TOP2B: variants seen among roughly 807,000 people sequenced by gnomAD.
TOP2B encodes the protein DNA topoisomerase 2-beta.
Under a neutral mutation model 193.5 loss-of-function variants are expected in TOP2B, and 51 were observed. The observed-to-expected ratio is 0.26, with a 90% CI of 0.21 to 0.33. TOP2B has a LOEUF of 0.33. Among genes scored for constraint, TOP2B ranks in the 10% least tolerant of loss-of-function variants. TOP2B has a pLI of 1.00. For missense variants in TOP2B, 1,378 were observed against 1,909.3 expected, an observed-to-expected ratio of 0.72 and a Z score of 5.19; for synonymous variants, 634 against 635.7, an observed-to-expected ratio of 1.00 and a Z score of 0.04.
chr3:25,642,426 T>C (rs1030915496), intron 3 of TOP2B, 41 bp from the exon 4 acceptor site: 52 of 1,273,338 alleles, frequency 4.1e-5, no homozygotes, highest in Non-Finnish European at 5.6e-5. Flanking sequence ...TACAAAATTA[T>C]ATAAATAAAT....
intron 1 of TOP2B, among the ~76,000 whole-genome samples, chr3:25,661,380 C>T (rs1332383601): frequency 6.6e-6 from 1 of 152,134 alleles, no homozygotes; most frequent in Non-Finnish European, 1.5e-5. Context: ...AGATGCTTAA[C>T]ATTTTCCATT....
rs540506566 is a variant in TOP2B, at chr3:25,650,190, G to A, written c.70-4720C>T. ...AATGAGCAGGAGTACTGTCATGATG[G>A]AGAAAGACTCTGGTGAAGCTTTCCT... On this transcript the variant is annotated intron_variant, in intron 1 of 35. Coordinates refer to ENST00000264331, the MANE Select transcript of TOP2B (RefSeq NM_001330700.2). 5.9e-5 allele frequency among the ~76,000 whole-genome samples: 9 copies of A among 152,322 alleles called. 1 individual carries two copies. The South Asian group carries it at 1.7e-3, about 28-fold the overall frequency.
At position 25,645,054 on chromosome 3, in the gene TOP2B, C is replaced by A. The variant is rs565792679; in HGVS notation, c.240+246G>T. Among the ~76,000 whole-genome samples the A allele has an allele frequency of 1.5e-3, 235 of 151,996 alleles. 1 individual carries two copies. The highest frequency in any genetic ancestry group is 1.3e-3 in the Non-Finnish European group (89 of 67,958). On this transcript the variant is annotated intron_variant, in intron 2 of 35. Coordinates refer to ENST00000264331, the MANE Select transcript of TOP2B (RefSeq NM_001330700.2). ...TTCGATCTCCTGACCTTGTGATCCA[C>A]CCGCCTCGGCCTCCCAAAGTGCTGG... is the stretch of plus-strand genomic sequence containing the variant.
rs777658332 is a variant in TOP2B at position 25,598,476 on chromosome 3, T to G, written c.4712A>C (p.Lys1571Thr). The change falls in exon 36 of 36, where the codon AAA becomes ACA. Residue 1571 changes from lysine to threonine, a missense_variant and splice_region_variant. Physicochemically the swap from Lys to Thr is moderately conservative, Grantham distance 78 (BLOSUM62 -1). Transcript: ENST00000264331. ...GRKTSKTTSK[K>T]PKKTSFDQDS... ...CTGATCAAAAGATGTCTTCTTCGGT[T>G]TCTAGATTTTTTTTCAATAGATTTA... 1.3e-6 allele frequency: 2 copies of G among 1,551,166 alleles called. No homozygotes were observed. The highest frequency in any genetic ancestry group is 1.7e-6 in the Non-Finnish European group (2 of 1,156,916).
At chr3:25,616,635 A>C (rs1010202787) in intron 25 of TOP2B, among the ~76,000 whole-genome samples, 2 of 151,974 alleles carry the variant, frequency 1.3e-5, no homozygotes, top group Non-Finnish European at 2.9e-5. Flanking sequence ...TAGATAACTT[A>C]CAATAAATAA....
At chr3:25,644,482 C>T (rs1703356024) in intron 2 of TOP2B, among the ~76,000 whole-genome samples, 1 of 152,020 alleles carries the variant, frequency 6.6e-6, no homozygotes, top group Non-Finnish European at 1.5e-5. Flanking sequence ...GGATGGATCA[C>T]CTGAGGTCAG....
At position 25,630,402 on chromosome 3, in the gene TOP2B, C is replaced by A. The variant is rs1179455501; in HGVS notation, c.1473G>T (p.Val491=). Residue 491 remains valine (V), a synonymous_variant, in exon 12 of 36, where the codon GTG becomes GTT. Coordinates refer to ENST00000264331, the MANE Select transcript of TOP2B (RefSeq NM_001330700.2). ...CTCGTCCAATCACACCTAATCCAGACACAGCCAGTGATTTGGCAGAGTCTC... is the reference window on the plus strand; with the variant it reads ...CTCGTCCAATCACACCTAATCCAGAAACAGCCAGTGATTTGGCAGAGTCTC... ...TEGDSAKSLA[V]SGLGVIGRDR... The A allele has an allele frequency of 2.6e-6, 4 of 1,552,260 alleles. No homozygotes were observed. The highest frequency in any genetic ancestry group is 3.5e-6 in the Non-Finnish European group (4 of 1,147,114).
chr3:25,612,053 C>T (rs1018945647), intron 28 of TOP2B, among the ~76,000 whole-genome samples: 1 of 152,106 alleles, frequency 6.6e-6, no homozygotes, highest in African/African-American at 2.4e-5. Context: ...CACCATTCTC[C>T]TGCCTCAGCC....
intron 28 of TOP2B, among the ~76,000 whole-genome samples, chr3:25,612,258 A>T (rs1042216303): frequency 3.3e-5 from 5 of 152,092 alleles, no homozygotes; most frequent in African/African-American, 1.2e-4. Flanking sequence ...CAAGATTTTA[A>T]CTTAGAAGGC....
chr3:25,615,115 T>G (rs182189233), intron 27 of TOP2B, 90 bp downstream of exon 27: 1 of 1,147,974 alleles, frequency 8.7e-7, no homozygotes, highest in Non-Finnish European at 1.2e-6. Flanking sequence ...TTCACAGAGT[T>G]AAAGAAAACT....
intron 28 of TOP2B, 45 bp from the exon 29 acceptor site, chr3:25,609,757 A>G (rs962544743): frequency 2.8e-6 from 4 of 1,423,698 alleles, no homozygotes; most frequent in African/African-American, 3.0e-5. Flanking sequence ...AAATAAAAAC[A>G]TCACATATTT....
chr3:25,636,165 T>A lies in TOP2B; in HGVS notation c.640-17A>T, dbSNP rs1703100002. The A allele has an allele frequency of 1.4e-6, 2 of 1,470,256 alleles. No homozygotes were observed. Among genetic ancestry groups the A allele is most frequent in the Non-Finnish European group, 1.9e-6 (2 of 1,078,976 alleles). The allele number at this position is 1,470,256 out of a possible 1,614,324, so 91.1% of individuals were successfully genotyped here. On this transcript the variant is annotated splice_polypyrimidine_tract_variant and intron_variant, in intron 6 of 35. Coordinates refer to ENST00000264331, the MANE Select transcript of TOP2B (RefSeq NM_001330700.2). ...CATCCATGTCTTTAAAAGAAAAAAATTCAAATATTTCTATAATGCTTCCAT... is the reference window on the plus strand; with the variant it reads ...CATCCATGTCTTTAAAAGAAAAAAAATCAAATATTTCTATAATGCTTCCAT...
At chr3:25,602,753 T>A (rs1016690415) in intron 33 of TOP2B, among the ~76,000 whole-genome samples, 5 of 152,154 alleles carry the variant, frequency 3.3e-5, no homozygotes, top group Non-Finnish European at 5.9e-5. Flanking sequence ...TGGAGTTACA[T>A]GGCACTTTCA....
intron 16 of TOP2B, 28 bp from the exon 17 acceptor site, chr3:25,626,892 A>G: frequency 7.5e-7 from 1 of 1,337,724 alleles, no homozygotes; most frequent in Middle Eastern, 1.8e-4. Context: ...ACGATTTTGC[A>G]CATTAAAAAT....
Position 25,622,000 on chromosome 3 carries a change from AAAAG to A in TOP2B, c.2728-1188_2728-1185del, listed in dbSNP as rs923000120. Among the ~76,000 whole-genome samples the A allele has an allele frequency of 1.6e-4, 24 of 152,168 alleles. No homozygotes were observed. In the East Asian group the frequency reaches 2.5e-3, roughly 16 times the overall value. ...TGAGACTCTGTCTCAGAAAAAAAAA[AAAAG>A]AAAGAAAGAAATTGAGCATATAGCA... On this transcript the variant is annotated intron_variant, in intron 21 of 35. Transcript: ENST00000264331.
Position 25,634,030 on chromosome 3 carries a change from A to G in TOP2B, c.853-16T>C. The G allele has an allele frequency of 6.3e-7, 1 of 1,586,660 alleles. No individual in the cohort carries two copies. Among genetic ancestry groups the G allele is most frequent in the Non-Finnish European group, 8.6e-7 (1 of 1,167,010 alleles). ...ATCCATTTACCTATTAATTTAAAAA[A>G]CAAAAACAATTAAAAATCTTACACT... On this transcript the variant is annotated splice_polypyrimidine_tract_variant and intron_variant, in intron 7 of 35. Coordinates refer to ENST00000264331, the MANE Select transcript of TOP2B (RefSeq NM_001330700.2).
At chr3:25,656,781 G>A (rs1163911893) in intron 1 of TOP2B, among the ~76,000 whole-genome samples, 1 of 152,100 alleles carries the variant, frequency 6.6e-6, no homozygotes, top group East Asian at 1.9e-4. Context: ...ATTATCTATA[G>A]AGTAGAAATA....
chr3:25,634,124 A>G, intron 7 of TOP2B, 110 bp from the exon 8 acceptor site: 1 of 800,128 alleles, frequency 1.2e-6, no homozygotes, highest in Non-Finnish European at 1.9e-6. Flanking sequence ...AACAGTTCTA[A>G]GTGCACCGAT....
chr3:25,648,386 CA>C (rs1703473895), intron 1 of TOP2B, among the ~76,000 whole-genome samples: 2 of 152,116 alleles, frequency 1.3e-5, no homozygotes, highest in South Asian at 4.1e-4. Flanking sequence ...GATGCATCCC[CA>C]TAAAAGATTT....
Sources: gnomAD v4.1 joint callset for allele counts (sites outside exome capture counted in the v4.1 genomes callset) on GRCh38, gnomAD v4.1.1 for gene constraint, MANE v1.5 for transcripts, NCBI Gene and HGNC (gene_info 2026-07-23, HGNC 2026-07-21) for gene names.